Variants in CES5A observed in about 807,000 individuals in gnomAD.
The protein encoded by CES5A is carboxylesterase 5A, also known as carboxylesterase 5.
In CES5A, 67 loss-of-function variants were observed where a neutral mutation model predicts 62.9. That is an observed-to-expected ratio of 1.07 (90% confidence interval 0.88 to 1.31). CES5A has a LOEUF of 1.31. Ranked by LOEUF, CES5A falls within the 50% of genes most tolerant of loss-of-function variation. The pLI is 0.00. For missense variants in CES5A, 748 were observed against 708.5 expected (o/e 1.06, Z -0.63); for synonymous variants, 296 against 280.8 (o/e 1.05, Z -0.54).
At chr16:55,918,818 C>T (rs1347911095) in intron 1 of CES5A, among the ~76,000 whole-genome samples, 2 of 152,156 alleles carry the variant, frequency 1.3e-5, no homozygotes, top group African/African-American at 4.8e-5. Context: ...ATCTCAAGGT[C>T]TTCATTTGTA....
chr16:55,951,059 G>A lies in CES5A; in HGVS notation c.43-1157C>T, dbSNP rs762238548. Among the ~76,000 whole-genome samples, 23 of 121,574 alleles carry A rather than the reference G, an allele frequency of 1.9e-4. 1 individual carries two copies. The highest frequency in any genetic ancestry group is 5.8e-4 in the African/African-American group (18 of 30,826). The allele number at this position is 121,574 out of a possible 152,430, so 79.8% of individuals were successfully genotyped here. A position where few individuals can be genotyped will look rare whatever the true frequency, so the allele number is the denominator to read the frequency against. On this transcript the variant is annotated intron_variant, in intron 1 of 13. Coordinates refer to the CES5A transcript ENST00000521992. ...GGAGCTTGCAGTGAGCCAGGATTGC[G>A]CCACAAACTACACTCCAGCCTGGGA...
At chr16:55,902,791 T>C (rs988236108) in intron 1 of CES5A, among the ~76,000 whole-genome samples, 1 of 152,182 alleles carries the variant, frequency 6.6e-6, no homozygotes, top group Non-Finnish European at 1.5e-5. Context: ...TCACAGCTGT[T>C]GCTTGAGATG....
intron 11 of CES5A, 89 bp from the exon 12 acceptor site, chr16:55,846,929 C>CTGTGCAGGTATGATTCTGAATG: frequency 9.8e-7 from 1 of 1,022,234 alleles, no homozygotes; most frequent in African/African-American, 1.6e-5. Context: ...TTTTCACACC[C>CTGTGCAGGTATGATTCTGAATG]CTCCTCCCAC....
intron 11 of CES5A, 77 bp from the exon 12 acceptor site, chr16:55,846,917 C>G: frequency 9.2e-7 from 1 of 1,092,576 alleles, no homozygotes; most frequent in Non-Finnish European, 1.4e-6. Context: ...TTTGATTAAT[C>G]CTTTTCACAC....
At chr16:55,880,098 A>G (rs1469272775), upstream of CES5A, among the ~76,000 whole-genome samples, 1 of 152,190 alleles carries the variant, frequency 6.6e-6, no homozygotes, top group Non-Finnish European at 1.5e-5. Context: ...GATGACTAAG[A>G]CAAGGACCAT....
chr16:55,928,392 G>A (rs1012376590), upstream of CES5A, among the ~76,000 whole-genome samples: 1 of 152,158 alleles, frequency 6.6e-6, no homozygotes, highest in Admixed American at 6.5e-5. Context: ...ATACAAAGTG[G>A]TATAATGGAC....
intron 1 of CES5A, among the ~76,000 whole-genome samples, chr16:55,880,999 A>C (rs2033755693): frequency 6.6e-6 from 1 of 152,148 alleles, no homozygotes; most frequent in Non-Finnish European, 1.5e-5. Context: ...CCTAAGTTAA[A>C]GTTAGGTCAC....
At chr16:55,943,512 A>T (rs1336542163) in intron 2 of CES5A, among the ~76,000 whole-genome samples, 1 of 152,204 alleles carries the variant, frequency 6.6e-6, no homozygotes, top group African/African-American at 2.4e-5. Flanking sequence ...AGCTTCCTCA[A>T]TTCTCACCAC....
chr16:55,861,578 C>T, intron 6 of CES5A, 62 bp from the exon 7 acceptor site: 1 of 1,211,704 alleles, frequency 8.3e-7, no homozygotes, highest in Admixed American at 1.8e-5. Flanking sequence ...AAAATGAAAG[C>T]TTGAAAATGC....
chr16:55,860,020 C>G (rs2033320589), intron 7 of CES5A, among the ~76,000 whole-genome samples: 1 of 152,140 alleles, frequency 6.6e-6, no homozygotes. Context: ...TCCCATAATT[C>G]CCACATGTTG....
intron 2 of CES5A, among the ~76,000 whole-genome samples, chr16:55,947,571 G>T (rs2034509766): frequency 6.6e-6 from 1 of 152,148 alleles, no homozygotes; most frequent in Non-Finnish European, 1.5e-5. Context: ...ATTGCATGGT[G>T]ATAAGTGTTA....
At chr16:55,911,368 C>A (rs2034090623) in intron 1 of CES5A, among the ~76,000 whole-genome samples, 1 of 152,098 alleles carries the variant, frequency 6.6e-6, no homozygotes, top group South Asian at 2.1e-4. Context: ...GGAAACACGC[C>A]CAGTTTAAAA....
intron 1 of CES5A, among the ~76,000 whole-genome samples, chr16:55,892,635 A>G (rs556738748): frequency 3.0e-4 from 46 of 152,274 alleles, no homozygotes; most frequent in African/African-American, 1.0e-3. Context: ...TTCAAAATAT[A>G]AGTGCTTATA....
intron 9 of CES5A, among the ~76,000 whole-genome samples, chr16:55,855,171 G>A (rs2033215003): frequency 6.6e-6 from 1 of 152,204 alleles, no homozygotes; most frequent in African/African-American, 2.4e-5. Context: ...TGTCATCTCT[G>A]TCCACCCCAC....
intron 1 of CES5A, among the ~76,000 whole-genome samples, chr16:55,881,210 T>C (rs994437875): frequency 2.0e-5 from 3 of 152,112 alleles, no homozygotes; most frequent in Non-Finnish European, 4.4e-5. Flanking sequence ...AGATAAAGCT[T>C]TTCCTCATCA....
intron 2 of CES5A, among the ~76,000 whole-genome samples, chr16:55,945,096 T>C (rs2034480678): frequency 1.3e-5 from 2 of 152,250 alleles, no homozygotes; most frequent in South Asian, 2.1e-4. Context: ...GAACTCATAC[T>C]GGCCAGTTCT....
intron 1 of CES5A, among the ~76,000 whole-genome samples, chr16:55,924,738 A>G (rs1262233572): frequency 6.6e-6 from 1 of 152,068 alleles, no homozygotes; most frequent in Non-Finnish European, 1.5e-5. Flanking sequence ...GACCAATGAA[A>G]CAGAGTAGAG....
At position 55,846,671 on chromosome 16, in the gene CES5A, C is replaced by T. The variant is rs2033017832; in HGVS notation, c.1508G>A (p.Gly503Glu). 1 of 1,614,016 alleles carries T rather than the reference C, an allele frequency of 6.2e-7. No homozygotes were observed. Among genetic ancestry groups the T allele is most frequent in the African/African-American group, 1.3e-5 (1 of 74,996 alleles). ...AGCTGGCCACAGAGACAGGTCGTTCCCATTAGGATTCCTAGAAGGGAGAGC... is the reference window on the plus strand; with the variant it reads ...AGCTGGCCACAGAGACAGGTCGTTCTCATTAGGATTCCTAGAAGGGAGAGC... The part of the protein sequence containing the change: ...ATFARTGNPN[G>E]NDLSLWPAYN... The change falls in exon 13 of 13, where the codon GGG becomes GAG. Residue 503 changes from glycine to glutamate, a missense_variant. Transcript: ENST00000290567.
At chr16:55,938,185 A>G (rs564894747) in intron 2 of CES5A, among the ~76,000 whole-genome samples, 1 of 152,302 alleles carries the variant, frequency 6.6e-6, no homozygotes, top group East Asian at 1.9e-4. Context: ...GCACATTTCC[A>G]AAGTAAGATG....
Sources: gnomAD v4.1 joint callset for allele counts (sites outside exome capture counted in the v4.1 genomes callset) on GRCh38, gnomAD v4.1.1 for gene constraint, MANE v1.5 for transcripts, NCBI Gene and HGNC (gene_info 2026-07-23, HGNC 2026-07-21) for gene names.